NEGR1: variants seen among roughly 807,000 people sequenced by gnomAD.
NEGR1 encodes IgLON family member 4.
NEGR1 carries 10 observed loss-of-function variants against 40.9 expected under a neutral mutation model. The observed-to-expected ratio is 0.24, with a 90% CI of 0.15 to 0.42. The LOEUF is 0.42. Among genes scored for constraint, NEGR1 ranks in the 10% least tolerant of loss-of-function variants. NEGR1 has a pLI of 1.00. For synonymous variants in NEGR1, 185 were observed against 166.8 expected, an observed-to-expected ratio of 1.11 and a Z score of -0.84; for missense variants, 352 against 438.9, an observed-to-expected ratio of 0.80 and a Z score of 1.77.
chr1:71,753,833 C>T (rs554123636), intron 3 of NEGR1, among the ~76,000 whole-genome samples: 7 of 152,172 alleles, frequency 4.6e-5, no homozygotes, highest in South Asian at 2.1e-4. Flanking sequence ...CAATATGTGA[C>T]GGCTGGAGAG....
intron 1 of NEGR1, among the ~76,000 whole-genome samples, chr1:72,000,477 C>A (rs180770895): frequency 6.6e-6 from 1 of 151,850 alleles, no homozygotes; most frequent in East Asian, 1.9e-4. Context: ...AATATAAATG[C>A]TATACTCTTT....
intron 1 of NEGR1, among the ~76,000 whole-genome samples, chr1:72,195,382 C>A (rs1652964005): frequency 6.6e-6 from 1 of 151,954 alleles, no homozygotes; most frequent in Non-Finnish European, 1.5e-5. Flanking sequence ...ACTGCTTCTA[C>A]ATTTTTGTTG....
chr1:72,091,246 C>T (rs2100544433), intron 1 of NEGR1, among the ~76,000 whole-genome samples: 1 of 152,274 alleles, frequency 6.6e-6, no homozygotes, highest in East Asian at 1.9e-4. Context: ...CATACATGGT[C>T]ATGCACATTA....
chr1:71,650,284 C>A (rs538765178), intron 4 of NEGR1, among the ~76,000 whole-genome samples: 7 of 152,068 alleles, frequency 4.6e-5, no homozygotes, highest in Non-Finnish European at 1.0e-4. Context: ...ATTGCCAGCT[C>A]CTTTCTGGTT....
intron 1 of NEGR1, among the ~76,000 whole-genome samples, chr1:72,205,582 A>C (rs1653364614): frequency 6.7e-6 from 1 of 148,368 alleles, no homozygotes; most frequent in Non-Finnish European, 1.5e-5. Flanking sequence ...TAAACTTTAC[A>C]CTCAGGTTTA....
At chr1:71,748,019 T>A (rs1655445261) in intron 3 of NEGR1, among the ~76,000 whole-genome samples, 1 of 152,216 alleles carries the variant, frequency 6.6e-6, no homozygotes, top group African/African-American at 2.4e-5. Context: ...CTTCTGATTT[T>A]GTAAATACTT....
At position 71,702,237 on chromosome 1, in the gene NEGR1, T is replaced by G. The variant is rs76262504; in HGVS notation, c.536-4098A>C. Among the ~76,000 whole-genome samples, 1,040 of 152,212 alleles carry G rather than the reference T, an allele frequency of 6.8e-3. 11 individuals are homozygous for G. The highest frequency in any genetic ancestry group is 0.023 in the African/African-American group (968 of 41,558). ...CATTTATACATTCATTCAATGGATA[T>G]TACTCGTGACAAGATCTCTGACCAG... On this transcript the variant is annotated intron_variant, in intron 3 of 6. Coordinates refer to ENST00000357731, the MANE Select transcript of NEGR1 (RefSeq NM_173808.3).
intron 6 of NEGR1, among the ~76,000 whole-genome samples, chr1:71,416,222 A>G (rs573015431): frequency 1.3e-5 from 2 of 152,250 alleles, no homozygotes; most frequent in East Asian, 1.9e-4. Flanking sequence ...GATCTTATAC[A>G]TGTGGGTATG....
chr1:72,119,471 G>A (rs936363190), intron 1 of NEGR1, among the ~76,000 whole-genome samples: 3 of 151,902 alleles, frequency 2.0e-5, no homozygotes, highest in African/African-American at 4.8e-5. Context: ...TTAAAAAAAT[G>A]AGGGGGGCAT....
At chr1:72,118,162 T>C (rs1649652774) in intron 1 of NEGR1, among the ~76,000 whole-genome samples, 1 of 151,840 alleles carries the variant, frequency 6.6e-6, no homozygotes, top group South Asian at 2.1e-4. Context: ...CATAATAATA[T>C]GTGGACTTGA....
At chr1:72,128,446 C>T (rs1414003248) in intron 1 of NEGR1, among the ~76,000 whole-genome samples, 1 of 151,958 alleles carries the variant, frequency 6.6e-6, no homozygotes, top group Non-Finnish European at 1.5e-5. Flanking sequence ...AACAGAAGTG[C>T]TATCTAACAG....
chr1:71,397,322 C>T lies in NEGR1; in HGVS notation c.*10124G>A, dbSNP rs1470802440. On this transcript the variant is annotated 3_prime_UTR_variant, in exon 7 of 7. Transcript: ENST00000357731. ...GGTGTTGTTAAAGGCATTCAGTGTT[C>T]TGTTCTGTTTTGTTTTGTTTTTGAG... 1 of 154,158 alleles carries T rather than the reference C, an allele frequency of 6.5e-6. No individual in the cohort carries two copies. The highest frequency in any genetic ancestry group is 2.4e-5 in the African/African-American group (1 of 41,410). The allele number at this position is 154,158 out of a possible 1,614,324, so 9.5% of individuals were successfully genotyped here. A position where few individuals can be genotyped will look rare whatever the true frequency, so the allele number is the denominator to read the frequency against.
chr1:72,241,488 A>G (rs1654743046), intron 1 of NEGR1, among the ~76,000 whole-genome samples: 1 of 151,658 alleles, frequency 6.6e-6, no homozygotes, highest in African/African-American at 2.4e-5. Flanking sequence ...GGTCAAAAGA[A>G]AATGGTAATG....
At chr1:72,127,103 T>C (rs1233995632) in intron 1 of NEGR1, among the ~76,000 whole-genome samples, 1 of 152,086 alleles carries the variant, frequency 6.6e-6, no homozygotes, top group African/African-American at 2.4e-5. Context: ...CAACAGGTAA[T>C]AGCACCATCT....
At chr1:71,527,396 C>T (rs1265673141) in intron 6 of NEGR1, among the ~76,000 whole-genome samples, 2 of 139,032 alleles carry the variant, frequency 1.4e-5, no homozygotes, top group Admixed American at 1.5e-4. Context: ...ATCCATCCAT[C>T]CAACCACCAT....
Position 71,903,984 on chromosome 1 carries a change from A to G in NEGR1, c.409+31095T>C, listed in dbSNP as rs538684702. Among the ~76,000 whole-genome samples the G allele has an allele frequency of 2.2e-4, 33 of 152,072 alleles. 1 individual carries two copies. Among genetic ancestry groups the G allele is most frequent in the African/African-American group, 7.7e-4 (32 of 41,544 alleles). On this transcript the variant is annotated intron_variant, in intron 2 of 6. Coordinates refer to ENST00000357731, the MANE Select transcript of NEGR1 (RefSeq NM_173808.3). ...TCTTTCATTCAATAACAATTGATTT[A>G]TTACTTTCTTTCCCCTATTTACATG...
chr1:72,135,259 C>T (rs1650408746), intron 1 of NEGR1, among the ~76,000 whole-genome samples: 1 of 149,344 alleles, frequency 6.7e-6, no homozygotes, highest in Non-Finnish European at 1.5e-5. Flanking sequence ...TCCTGTAGTC[C>T]CAGCTACTCG....
chr1:71,654,374 T>G (rs1324933363), intron 4 of NEGR1, among the ~76,000 whole-genome samples: 1 of 152,186 alleles, frequency 6.6e-6, no homozygotes, highest in Non-Finnish European at 1.5e-5. Flanking sequence ...GATCAATTGT[T>G]GCAAATATAC....
chr1:72,035,218 CG>C (rs1486161788), intron 1 of NEGR1, among the ~76,000 whole-genome samples: 1 of 152,162 alleles, frequency 6.6e-6, no homozygotes, highest in African/African-American at 2.4e-5. Context: ...GACCCTCTCT[CG>C]GGCTACCAGC....
Sources: allele counts gnomAD v4.1 joint callset (sites outside exome capture counted in the v4.1 genomes callset), GRCh38; gene constraint gnomAD v4.1.1; transcripts MANE v1.5; gene names NCBI Gene and HGNC (gene_info 2026-07-23, HGNC 2026-07-21).